PCNX2: variants seen among roughly 807,000 people sequenced by gnomAD.
PCNX2 encodes the protein pecanex-like protein 2.
Under a neutral mutation model 223.8 loss-of-function variants are expected in PCNX2, and 168 were observed. The ratio of observed to expected loss-of-function variants is 0.75; its 90% confidence interval spans 0.66 to 0.85. The LOEUF (loss-of-function observed/expected upper bound fraction) is 0.85, where lower values mean the gene tolerates loss of function less well. Ranked by LOEUF, PCNX2 falls within the 40% of genes least tolerant of loss-of-function variation. PCNX2 has a pLI of 0.00. For missense variants in PCNX2, 2,507 were observed against 2,675.5 expected (o/e 0.94, Z 1.39); for synonymous variants, 1,006 against 1,052.6 (o/e 0.96, Z 0.86).
At chr1:233,098,449 C>A (rs1255027980) in intron 21 of PCNX2, among the ~76,000 whole-genome samples, 1 of 152,204 alleles carries the variant, frequency 6.6e-6, no homozygotes, top group Non-Finnish European at 1.5e-5. Context: ...TATAAGCACT[C>A]TCCTGCTCTA....
At chr1:233,037,502 TTTTCTTTCTTTC>T (rs149916555) in intron 25 of PCNX2, among the ~76,000 whole-genome samples, 2 of 150,844 alleles carry the variant, frequency 1.3e-5, no homozygotes, top group South Asian at 4.2e-4. Context: ...ACCTGATTGA[TTTTCTTTCTTTC>T]TTTCTTTCTT....
intron 15 of PCNX2, among the ~76,000 whole-genome samples, chr1:233,196,455 G>A (rs1438287099): frequency 1.3e-5 from 2 of 151,802 alleles, no homozygotes; most frequent in Non-Finnish European, 2.9e-5. Context: ...AAAAAAATGT[G>A]TGTAGCATAT....
At chr1:233,251,286 C>G (rs1659437251) in intron 7 of PCNX2, among the ~76,000 whole-genome samples, 2 of 152,196 alleles carry the variant, frequency 1.3e-5, no homozygotes, top group Admixed American at 1.3e-4. Flanking sequence ...ATGAGACCAT[C>G]TCTGCCTCCA....
the PCNX2 span, among the ~76,000 whole-genome samples, chr1:233,314,716 C>A: frequency 1.3e-5 from 2 of 151,690 alleles, no homozygotes; most frequent in Admixed American, 6.6e-5. Flanking sequence ...AATTTGAAAT[C>A]TTTGCATTAG....
chr1:233,117,172 C>G (rs1287453708), intron 21 of PCNX2, among the ~76,000 whole-genome samples: 1 of 152,150 alleles, frequency 6.6e-6, no homozygotes, highest in Non-Finnish European at 1.5e-5. Context: ...AAAATGTTCT[C>G]CAGACCAGAT....
At chr1:233,188,773 A>C (rs1383469899) in intron 15 of PCNX2, among the ~76,000 whole-genome samples, 2 of 152,176 alleles carry the variant, frequency 1.3e-5, no homozygotes, top group African/African-American at 4.8e-5. Context: ...CACCCTCCTC[A>C]GCCTCCCAAA....
At chr1:233,008,130 C>T (rs967144462) in intron 28 of PCNX2, among the ~76,000 whole-genome samples, 6 of 152,208 alleles carry the variant, frequency 3.9e-5, no homozygotes, top group Non-Finnish European at 8.8e-5. Context: ...ATACCCTGCA[C>T]AGACCCTGAA....
intron 1 of PCNX2, among the ~76,000 whole-genome samples, chr1:233,292,686 G>C (rs1026915978): frequency 2.0e-5 from 3 of 152,208 alleles, no homozygotes; most frequent in African/African-American, 7.2e-5. Context: ...CTGAAGTGCA[G>C]AGGAATATAT....
intron 21 of PCNX2, among the ~76,000 whole-genome samples, chr1:233,130,779 G>A (rs894321214): frequency 4.6e-5 from 7 of 151,614 alleles, no homozygotes; most frequent in Non-Finnish European, 8.8e-5. Flanking sequence ...CACTGTGCCC[G>A]GCACCCCCCC....
chr1:233,090,749 A>G (rs1370777688), intron 22 of PCNX2, among the ~76,000 whole-genome samples: 3 of 152,158 alleles, frequency 2.0e-5, no homozygotes, highest in Non-Finnish European at 4.4e-5. Flanking sequence ...TCTAGTTTTT[A>G]AGCAAAAAAC....
chr1:233,054,540 A>G, intron 24 of PCNX2, 57 bp from the exon 25 acceptor site: 1 of 1,377,774 alleles, frequency 7.3e-7, no homozygotes, highest in South Asian at 1.2e-5. Flanking sequence ...GTGTATCCAG[A>G]CCTAGGAAAC....
intron 17 of PCNX2, among the ~76,000 whole-genome samples, chr1:233,174,468 C>A (rs1013549189): frequency 6.6e-6 from 1 of 151,388 alleles, no homozygotes; most frequent in Non-Finnish European, 1.5e-5. Context: ...ATATACTGAA[C>A]ATTTTAAATT....
chr1:233,031,501 T>C (rs1183779940), intron 25 of PCNX2, among the ~76,000 whole-genome samples: 1 of 152,244 alleles, frequency 6.6e-6, no homozygotes, highest in African/African-American at 2.4e-5. Context: ...TTACATATGG[T>C]GGCAGATAAA....
chr1:233,257,051 C>A (rs1659772023), intron 5 of PCNX2, among the ~76,000 whole-genome samples: 1 of 152,138 alleles, frequency 6.6e-6, no homozygotes, highest in South Asian at 2.1e-4. Flanking sequence ...ACAGCAGTAA[C>A]AGAATTTAAA....
chr1:233,138,941 G>A (rs74914334), intron 20 of PCNX2, among the ~76,000 whole-genome samples: 3,042 of 152,290 alleles, frequency 0.02, 40 homozygotes, highest in East Asian at 0.051. Context: ...CTGAAAGGAA[G>A]AGCAGGTTTG....
At chr1:233,136,186 T>C (rs377058478) in intron 20 of PCNX2, among the ~76,000 whole-genome samples, 1 of 152,198 alleles carries the variant, frequency 6.6e-6, no homozygotes, top group African/African-American at 2.4e-5. Context: ...TAACATGCTA[T>C]GATATTTGGC....
At chr1:233,189,997 G>A (rs1680326802) in intron 15 of PCNX2, among the ~76,000 whole-genome samples, 1 of 152,000 alleles carries the variant, frequency 6.6e-6, no homozygotes, top group South Asian at 2.1e-4. Context: ...AATTAAAAGA[G>A]GAATCAAATT....
At chr1:233,324,841 G>A in the PCNX2 span, among the ~76,000 whole-genome samples, 2 of 151,670 alleles carry the variant, frequency 1.3e-5, no homozygotes, top group African/African-American at 2.4e-5. Flanking sequence ...TGCCCACCTC[G>A]GCCTCCCAAA....
chr1:232,999,381 T>G lies in PCNX2; in HGVS notation c.5329-2A>C. 1 of 1,588,792 alleles carries G rather than the reference T, an allele frequency of 6.3e-7. No homozygotes were observed. ...TCCTCGGACGCATTCTTTGTTAACCTGCAGGTCAGAGAGGGAACGGGAAGA... is the reference window on the plus strand; with the variant it reads ...TCCTCGGACGCATTCTTTGTTAACCGGCAGGTCAGAGAGGGAACGGGAAGA... On this transcript the variant is annotated splice_acceptor_variant, in intron 30 of 33. Coordinates refer to ENST00000258229, the MANE Select transcript of PCNX2 (RefSeq NM_014801.4). LOFTEE classifies it high-confidence loss of function.
Sources: allele counts gnomAD v4.1 joint callset (sites outside exome capture counted in the v4.1 genomes callset), GRCh38; gene constraint gnomAD v4.1.1; transcripts MANE v1.5; gene names NCBI Gene and HGNC (gene_info 2026-07-23, HGNC 2026-07-21).